The following STK32B variants were observed in gnomAD, a reference collection of about 807,000 sequenced individuals.
STK32B encodes serine/threonine kinase 32B.
Under a neutral mutation model 52.6 loss-of-function variants are expected in STK32B, and 43 were observed. That is an observed-to-expected ratio of 0.82 (90% confidence interval 0.64 to 1.05). The LOEUF is 1.05. STK32B is among the 50% of genes least tolerant of loss of function. STK32B has a pLI of 0.00. For missense variants in STK32B, 621 were observed against 534.6 expected, an observed-to-expected ratio of 1.16 and a Z score of -1.59; for synonymous variants, 238 against 204.3, an observed-to-expected ratio of 1.17 and a Z score of -1.41.
chr4:5,235,522 C>T (rs564135166), intron 3 of STK32B, among the ~76,000 whole-genome samples: 1 of 152,112 alleles, frequency 6.6e-6, no homozygotes, highest in Admixed American at 6.5e-5. Context: ...GATAGCCTGT[C>T]GAATTAGCAA....
chr4:5,481,590 T>G (rs566352180), intron 11 of STK32B, among the ~76,000 whole-genome samples: 380 of 152,322 alleles, frequency 2.5e-3, no homozygotes, highest in African/African-American at 8.4e-3. Context: ...TTAGTTTAAT[T>G]AGATGCCATT....
chr4:5,196,899 A>G (rs992423563), intron 3 of STK32B, among the ~76,000 whole-genome samples: 4 of 152,174 alleles, frequency 2.6e-5, no homozygotes, highest in African/African-American at 7.2e-5. Flanking sequence ...GCTGTTGGTC[A>G]TGACCATCTG....
chr4:5,158,535 C>G (rs116294232), intron 2 of STK32B, among the ~76,000 whole-genome samples: 5,213 of 152,266 alleles, frequency 0.034, 150 homozygotes, highest in East Asian at 0.083. Context: ...TTAGGATCCT[C>G]TTTTAAAACA....
At chr4:5,109,249 TAAGAG>T (rs920044292) in intron 1 of STK32B, among the ~76,000 whole-genome samples, 16 of 152,342 alleles carry the variant, frequency 1.1e-4, no homozygotes, top group African/African-American at 3.8e-4. Context: ...AAAACTGACT[TAAGAG>T]AAGGGGAAGG....
rs148828267 is a variant in STK32B, at chr4:5,322,882, A to T, written c.261-8338A>T. On this transcript the variant is annotated intron_variant, in intron 3 of 11. Coordinates refer to ENST00000282908, the MANE Select transcript of STK32B (RefSeq NM_018401.3). ...CCTCATATGTGTTCACGTGTATTTC[A>T]TGTGTTATCAGCATGGCTGACCTTT... Among the ~76,000 whole-genome samples the T allele has an allele frequency of 1.8e-3, 269 of 152,268 alleles. 3 individuals carry two copies. Among genetic ancestry groups the T allele is most frequent in the African/African-American group, 6.2e-3 (258 of 41,558 alleles).
intron 6 of STK32B, among the ~76,000 whole-genome samples, chr4:5,438,449 A>C (rs938850277): frequency 2.0e-5 from 3 of 152,200 alleles, no homozygotes; most frequent in African/African-American, 7.2e-5. Flanking sequence ...TGAAAATACA[A>C]AACACACAGA....
At chr4:5,157,287 C>T (rs1717930830) in intron 2 of STK32B, among the ~76,000 whole-genome samples, 1 of 139,130 alleles carries the variant, frequency 7.2e-6, no homozygotes, top group African/African-American at 2.7e-5. Flanking sequence ...ACTCTAGCTA[C>T]CTGTGAGGAT....
At chr4:5,361,721 T>C (rs28631752) in intron 4 of STK32B, among the ~76,000 whole-genome samples, 15,811 of 152,288 alleles carry the variant, frequency 0.1, 1,298 homozygotes, top group Admixed American at 0.22. Flanking sequence ...TAGAATTCTA[T>C]AATAAAGAGC....
chr4:5,144,629 A>G (rs1716762899), intron 2 of STK32B, among the ~76,000 whole-genome samples: 1 of 152,064 alleles, frequency 6.6e-6, no homozygotes, highest in South Asian at 2.1e-4. Flanking sequence ...CTTGCATGAC[A>G]CTCATTCTTC....
intron 6 of STK32B, among the ~76,000 whole-genome samples, chr4:5,439,333 T>G (rs968651721): frequency 1.3e-5 from 2 of 151,758 alleles, no homozygotes; most frequent in East Asian, 1.9e-4. Flanking sequence ...TGGTTTGGAT[T>G]TGCATTTCTC....
In STK32B at chr4:5,236,271, G is replaced by T. The variant is rs536264323; in HGVS notation, c.260+67821G>T. 5.9e-5 allele frequency among the ~76,000 whole-genome samples: 9 copies of T among 152,102 alleles called. No individual in the cohort carries two copies. In the South Asian group the frequency reaches 1.2e-3, roughly 21 times the overall value. ...TTCCACCTGGCACTCACTCAGATAC[G>T]TAAAGACCTACAATCAAGCCTCCCC... is the stretch of plus-strand genomic sequence containing the variant. On this transcript the variant is annotated intron_variant, in intron 3 of 11. Transcript: ENST00000282908.
At chr4:5,025,926 C>T in the STK32B span, among the ~76,000 whole-genome samples, 9 of 152,328 alleles carry the variant, frequency 5.9e-5, no homozygotes, top group African/African-American at 1.9e-4. Flanking sequence ...ATGTGAAGTA[C>T]GCTTGTCTCT....
chr4:5,469,875 G>A lies in STK32B; in HGVS notation c.1106+1805G>A, dbSNP rs1276414140. 2.0e-5 allele frequency among the ~76,000 whole-genome samples: 3 copies of A among 152,184 alleles called. No individual in the cohort carries two copies. The highest frequency in any genetic ancestry group is 4.4e-5 in the Non-Finnish European group (3 of 68,030). ...TTGCCTGTGGTCCTGCCTGCTCTGAGGCTCATGGCCCTTCCCCCAGACTTA... is the reference window on the plus strand; with the variant it reads ...TTGCCTGTGGTCCTGCCTGCTCTGAAGCTCATGGCCCTTCCCCCAGACTTA... On this transcript the variant is annotated intron_variant, in intron 11 of 11. Coordinates refer to ENST00000282908, the MANE Select transcript of STK32B (RefSeq NM_018401.3). The surrounding 1 kb of genome is among the most constrained non-coding windows in gnomAD (Gnocchi z 4.7).
At chr4:5,290,983 T>C (rs1023443820) in intron 3 of STK32B, among the ~76,000 whole-genome samples, 1 of 152,312 alleles carries the variant, frequency 6.6e-6, no homozygotes, top group South Asian at 2.1e-4. Context: ...CTTAGCACTC[T>C]GATCAAAATC....
rs190380303 is a variant in STK32B, at chr4:5,277,113, G to T, written c.261-54107G>T. 6.9e-3 allele frequency among the ~76,000 whole-genome samples: 1,058 copies of T among 152,308 alleles called. 6 individuals carry two copies. Among genetic ancestry groups the T allele is most frequent in the Non-Finnish European group, 0.011 (751 of 68,024 alleles). On this transcript the variant is annotated intron_variant, in intron 3 of 11. Coordinates refer to ENST00000282908, the MANE Select transcript of STK32B (RefSeq NM_018401.3). ...GGGGCATTCGAAAGACAACAGGTTGGTTGGTTTGGGCTTTTTTCTTTGTTT... is the reference window on the plus strand; with the variant it reads ...GGGGCATTCGAAAGACAACAGGTTGTTTGGTTTGGGCTTTTTTCTTTGTTT...
intron 1 of STK32B, among the ~76,000 whole-genome samples, chr4:5,106,753 A>G (rs1714130899): frequency 6.6e-6 from 1 of 151,930 alleles, no homozygotes; most frequent in African/African-American, 2.4e-5. Flanking sequence ...TTGCTTTTCC[A>G]TGCTATTTAC....
intron 3 of STK32B, among the ~76,000 whole-genome samples, chr4:5,217,274 C>A (rs916948329): frequency 6.6e-6 from 1 of 152,084 alleles, no homozygotes; most frequent in African/African-American, 2.4e-5. Context: ...AATTTAAAGT[C>A]CATAAAAATA....
intron 1 of STK32B, among the ~76,000 whole-genome samples, chr4:5,115,688 C>T (rs948116722): frequency 6.6e-6 from 1 of 152,182 alleles, no homozygotes; most frequent in African/African-American, 2.4e-5. Context: ...TGCCACAGGA[C>T]ACGTCCTCAG....
chr4:5,404,706 A>C lies in STK32B; in HGVS notation c.472+6462A>C, dbSNP rs528926768. 1.1e-4 allele frequency among the ~76,000 whole-genome samples: 16 copies of C among 151,694 alleles called. No homozygotes were observed. The South Asian group carries it at 3.4e-3, about 32-fold the overall frequency. On this transcript the variant is annotated intron_variant, in intron 5 of 11. Transcript: ENST00000282908. ...GTGTTACCCTCCTCGCTCCGGGCCC[A>C]TAACACTTGGGAGCATAATGACCTC... is the stretch of plus-strand genomic sequence containing the variant.
Sources: gnomAD v4.1 joint callset for allele counts (sites outside exome capture counted in the v4.1 genomes callset) on GRCh38, gnomAD v4.1.1 for gene constraint, Gnocchi (gnomAD v3.1) non-coding constraint, MANE v1.5 for transcripts, NCBI Gene and HGNC (gene_info 2026-07-23, HGNC 2026-07-21) for gene names.